GCFC2: variants seen among roughly 807,000 people sequenced by gnomAD.
GCFC2 encodes the protein GC-rich sequence DNA-binding factor 2, also known as intron Large complex component GCFC2.
A neutral mutation model predicts 99.4 loss-of-function variants in GCFC2; 102 were observed. That is an observed-to-expected ratio of 1.03 (90% confidence interval 0.87 to 1.21). GCFC2 has a LOEUF of 1.21. Ranked by LOEUF, GCFC2 falls within the 50% of genes most tolerant of loss-of-function variation. The pLI is 0.00. For synonymous variants in GCFC2, 338 were observed against 316.8 expected, an observed-to-expected ratio of 1.07 and a Z score of -0.71; for missense variants, 973 against 920.9, an observed-to-expected ratio of 1.06 and a Z score of -0.73.
chr2:75,669,630 T>C (rs999966413), intron 15 of GCFC2, among the ~76,000 whole-genome samples: 2 of 152,176 alleles, frequency 1.3e-5, no homozygotes, highest in Non-Finnish European at 2.9e-5. Flanking sequence ...TAGCATCATT[T>C]ATTAAGTAAT....
chr2:75,706,444 T>C, intron 2 of GCFC2, 79 bp downstream of exon 2: 1 of 918,582 alleles, frequency 1.1e-6, no homozygotes, highest in Non-Finnish European at 1.6e-6. Context: ...TCACTAGAGT[T>C]TGTTATGTCA....
chr2:75,700,920 G>A (rs938806476), intron 4 of GCFC2, among the ~76,000 whole-genome samples: 4 of 152,182 alleles, frequency 2.6e-5, no homozygotes, highest in East Asian at 1.9e-4. Flanking sequence ...AAAAAGCCAC[G>A]TGAAGACAGA....
intron 2 of GCFC2, among the ~76,000 whole-genome samples, chr2:75,702,708 C>T (rs1680662758): frequency 6.6e-6 from 1 of 152,182 alleles, no homozygotes; most frequent in Non-Finnish European, 1.5e-5. Flanking sequence ...GTACTGCTCA[C>T]TTTGTTGAGG....
Position 75,687,782 on chromosome 2 carries a change from T to C in GCFC2, c.1690+45A>G, listed in dbSNP as rs569716857. Reference sequence around the variant, plus strand: ...AACAGAAATTAACAACCTTATATACTCTGTCAGAAAATAATTTAATTTTAC... The same window carrying C: ...AACAGAAATTAACAACCTTATATACCCTGTCAGAAAATAATTTAATTTTAC... On this transcript the variant is annotated intron_variant, in intron 11 of 16. Coordinates refer to ENST00000321027, the MANE Select transcript of GCFC2 (RefSeq NM_003203.5). 34 of 1,460,686 alleles carry C rather than the reference T, an allele frequency of 2.3e-5. No individual in the cohort carries two copies. The South Asian group carries it at 3.7e-4, about 16-fold the overall frequency. The allele number at this position is 1,460,686 out of a possible 1,614,324, so 90.5% of individuals were successfully genotyped here.
chr2:75,700,328 A>G (rs576196362), intron 4 of GCFC2, among the ~76,000 whole-genome samples: 2 of 152,378 alleles, frequency 1.3e-5, no homozygotes, highest in South Asian at 2.1e-4. Flanking sequence ...TAATATAGGT[A>G]TAACATATTT....
At chr2:75,699,588 A>G (rs567508743) in intron 4 of GCFC2, among the ~76,000 whole-genome samples, 2 of 152,082 alleles carry the variant, frequency 1.3e-5, no homozygotes, top group Non-Finnish European at 2.9e-5. Flanking sequence ...TCATTTATTT[A>G]TTTTTAGTGA....
intron 7 of GCFC2, 29 bp downstream of exon 7, chr2:75,691,948 A>G (rs1680088799): frequency 1.6e-6 from 2 of 1,270,224 alleles, no homozygotes; most frequent in African/African-American, 1.5e-5. Flanking sequence ...AATGAATAAT[A>G]AATTGTATGG....
Position 75,673,463 on chromosome 2 carries a change from TA to T in GCFC2, c.1869del (p.Phe623LeufsTer10). The T allele has an allele frequency of 1.4e-6, 2 of 1,401,120 alleles. No homozygotes were observed. Among genetic ancestry groups the T allele is most frequent in the Non-Finnish European group, 2.0e-6 (2 of 986,004 alleles). 86.8% of individuals were successfully genotyped at this position (1,401,120 alleles called of 1,614,324 possible). On this transcript the variant is annotated frameshift_variant, in exon 13 of 17. Transcript: ENST00000321027. LOFTEE classifies it high-confidence loss of function. ...RMKKAVEDDV[F>X]IPLYPKSAVE... Reference sequence around the variant, plus strand: ...GCTTACCTCTTTGGATACAGAGGAATAAAAACATCATCTTCTACTGCCTTTT... The same window carrying T: ...GCTTACCTCTTTGGATACAGAGGAATAAAACATCATCTTCTACTGCCTTTT...
chr2:75,689,622 C>A (rs951400109), intron 9 of GCFC2, among the ~76,000 whole-genome samples: 3 of 152,008 alleles, frequency 2.0e-5, no homozygotes, highest in Non-Finnish European at 4.4e-5. Flanking sequence ...CTATATGCAT[C>A]TTCTCATCAT....
chr2:75,688,201 A>G (rs1679904302), intron 10 of GCFC2, among the ~76,000 whole-genome samples: 1 of 152,222 alleles, frequency 6.6e-6, no homozygotes, highest in South Asian at 2.1e-4. Context: ...CATGCATTCA[A>G]TCACACAACA....
intron 11 of GCFC2, among the ~76,000 whole-genome samples, chr2:75,686,559 G>A (rs1395881277): frequency 1.3e-5 from 2 of 152,160 alleles, no homozygotes; most frequent in African/African-American, 2.4e-5. Flanking sequence ...CTGGGCAACA[G>A]AGCAAGACCC....
intron 1 of GCFC2, among the ~76,000 whole-genome samples, chr2:75,708,147 C>A (rs1680954708): frequency 6.6e-6 from 1 of 152,170 alleles, no homozygotes; most frequent in African/African-American, 2.4e-5. Flanking sequence ...TCAGACATGG[C>A]TATCTGACAA....
chr2:75,691,335 T>C (rs535872008), intron 7 of GCFC2, among the ~76,000 whole-genome samples: 4 of 152,296 alleles, frequency 2.6e-5, no homozygotes, highest in South Asian at 2.1e-4. Flanking sequence ...TTTTGGACCA[T>C]TGTTGACTGA....
At position 75,680,200 on chromosome 2, in the gene GCFC2, CT is replaced by C; in HGVS notation, c.1804del (p.Ser602AlafsTer13). 6.2e-7 allele frequency: 1 copy of C among 1,601,638 alleles called. No individual in the cohort carries two copies. The highest frequency in any genetic ancestry group is 8.6e-7 in the Non-Finnish European group (1 of 1,169,320). On this transcript the variant is annotated frameshift_variant, in exon 12 of 17. Coordinates refer to ENST00000321027, the MANE Select transcript of GCFC2 (RefSeq NM_003203.5). LOFTEE classifies it high-confidence loss of function. ...AACTCTAGAAATTATTACCTGTCTG[CT>C]TTTACTAACTTCATTTTCACAAGTG... ...HSTCENEVSK[S>X]RQDLLKSIVS... is the part of the protein sequence containing the mutation.
chr2:75,686,396 CA>C (rs1261627191), intron 11 of GCFC2, among the ~76,000 whole-genome samples: 1 of 152,116 alleles, frequency 6.6e-6, no homozygotes, highest in Admixed American at 6.5e-5. Flanking sequence ...CAACTCCACC[CA>C]GCCAAAATCT....
At chr2:75,700,786 C>T (rs1680550589) in intron 4 of GCFC2, among the ~76,000 whole-genome samples, 1 of 152,142 alleles carries the variant, frequency 6.6e-6, no homozygotes, top group African/African-American at 2.4e-5. Flanking sequence ...AAAGTGCAAA[C>T]ATGACCTTAT....
rs531237354 is a variant in GCFC2 at position 75,672,235 on chromosome 2, A to AT, written c.1890-220dup. On this transcript the variant is annotated intron_variant, in intron 13 of 16. Transcript: ENST00000321027. ...ATGTTTATAAAATATATATTTATAT[A>AT]TTTATAAATATGTTTATAAAATATA... Among the ~76,000 whole-genome samples, 130 of 132,294 alleles carry AT rather than the reference A, an allele frequency of 9.8e-4. 1 individual carries two copies. The highest frequency in any genetic ancestry group is 3.5e-3 in the African/African-American group (121 of 34,512). The allele number at this position is 132,294 out of a possible 152,430, so 86.8% of individuals were successfully genotyped here. A position where few individuals can be genotyped will look rare whatever the true frequency, so the allele number is the denominator to read the frequency against.
chr2:75,670,182 GA>G lies in GCFC2; in HGVS notation c.2058del (p.Leu687SerfsTer16). 6.2e-7 allele frequency: 1 copy of G among 1,609,274 alleles called. No homozygotes were observed. The highest frequency in any genetic ancestry group is 8.5e-7 in the Non-Finnish European group (1 of 1,175,648). Reference protein sequence around the residue: ...KLLNRYLIIALLNATPGPDVV... With the variant: ...KLLNRYLIIAXLNATPGPDVV... The stretch of plus-strand genomic sequence containing the variant: ...ACATCTGGCCCAGGTGTGGCATTGA[GA>G]AGTGCTATAATAAGGTAACGATTTA... On this transcript the variant is annotated frameshift_variant, in exon 15 of 17. Transcript: ENST00000321027. LOFTEE classifies it high-confidence loss of function.
At chr2:75,712,844 T>A (rs566103036), upstream of GCFC2, among the ~76,000 whole-genome samples, 108 of 152,230 alleles carry the variant, frequency 7.1e-4, no homozygotes, top group African/African-American at 2.6e-3. Flanking sequence ...ATTCTTGAAA[T>A]CAGTGAGACC....
Sources: allele counts gnomAD v4.1 joint callset (sites outside exome capture counted in the v4.1 genomes callset), GRCh38; gene constraint gnomAD v4.1.1; transcripts MANE v1.5; gene names NCBI Gene and HGNC (gene_info 2026-07-23, HGNC 2026-07-21).